The following HSF1 variants were observed in gnomAD, a reference collection of about 807,000 sequenced individuals.
The protein encoded by HSF1 is heat shock transcription factor 1, also known as heat shock factor protein 1.
HSF1 carries 32 observed loss-of-function variants against 51.7 expected under a neutral mutation model. That is an observed-to-expected ratio of 0.62 (90% CI 0.47 to 0.83). The LOEUF (loss-of-function observed/expected upper bound fraction) is 0.83, where lower values mean the gene tolerates loss of function less well. Among genes scored for constraint, HSF1 ranks in the 40% least tolerant of loss-of-function variants. The probability of loss-of-function intolerance (pLI) is 0.00; values close to 1 mark genes in which losing one functional copy is unlikely to be tolerated. For missense variants in HSF1, 727 were observed against 717.0 expected, an observed-to-expected ratio of 1.01 and a Z score of -0.16; for synonymous variants, 396 against 309.7, an observed-to-expected ratio of 1.28 and a Z score of -2.92.
chr8:144,312,714 T>G (rs2130456925), intron 9 of HSF1: 1 of 1,535,166 alleles, frequency 6.5e-7, no homozygotes, highest in Non-Finnish European at 8.7e-7. Context: ...CAGCCAGGGT[T>G]AGCGCTGACC....
chr8:144,309,206 C>T, intron 2 of HSF1, 192 bp downstream of exon 2: 1 of 663,950 alleles, frequency 1.5e-6, no homozygotes. Flanking sequence ...GGGTATGAAC[C>T]TGGGGTCCCC....
chr8:144,300,699 T>A (rs1815807355), intron 1 of HSF1, among the ~76,000 whole-genome samples: 1 of 152,240 alleles, frequency 6.6e-6, no homozygotes, highest in South Asian at 2.1e-4. Context: ...GTCTGAAAGG[T>A]GCCAGAGTCA....
rs532852421 is a variant in HSF1, at chr8:144,314,109, A to AC, written c.1385-11dup. ...GCCCCCAACCCCCCACCGCCTTGAC[A>AC]CCCCCACCCCCGCAGGGAAGCAGCT... On this transcript the variant is annotated splice_polypyrimidine_tract_variant and intron_variant, in intron 12 of 12. Transcript: ENST00000528838. The AC allele has an allele frequency of 1.4e-5, 13 of 956,374 alleles. No homozygotes were observed. The highest frequency in any genetic ancestry group is 8.3e-5 in the Admixed American group (2 of 24,028). 59.2% of individuals were successfully genotyped at this position (956,374 alleles called of 1,614,324 possible).
chr8:144,296,260 G>A (rs1005367163), intron 1 of HSF1, among the ~76,000 whole-genome samples: 23 of 152,200 alleles, frequency 1.5e-4, no homozygotes, highest in East Asian at 3.8e-4. Flanking sequence ...ACCTGGCCAC[G>A]CTCAGTCACT....
chr8:144,309,920 G>GGTTTTTTAAT, intron 4 of HSF1, 24 bp downstream of exon 4: 1 of 1,605,760 alleles, frequency 6.2e-7, no homozygotes, highest in Non-Finnish European at 8.5e-7. Flanking sequence ...CAGCATTATG[G>GGTTTTTTAAT]GCCACAGCGG....
intron 3 of HSF1, 57 bp from the exon 4 acceptor site, chr8:144,309,709 CGAGCCT>C (rs1460452528): frequency 1.9e-6 from 3 of 1,595,186 alleles, no homozygotes; most frequent in Non-Finnish European, 1.7e-6. Context: ...CTGCAGTGGA[CGAGCCT>C]GAGCCTGCCA....
chr8:144,308,538 C>G (rs1336640753), intron 1 of HSF1, among the ~76,000 whole-genome samples: 1 of 151,248 alleles, frequency 6.6e-6, no homozygotes, highest in Admixed American at 6.6e-5. Flanking sequence ...GGCCAGAGTG[C>G]GGCGGGTGCT....
Position 144,308,655 on chromosome 8 carries a change from C to T in HSF1, c.118-251C>T, listed in dbSNP as rs1816387312. Among the ~76,000 whole-genome samples the T allele has an allele frequency of 1.3e-5, 2 of 152,238 alleles. 1 individual carries two copies. Among genetic ancestry groups the T allele is most frequent in the South Asian group, 4.1e-4 (2 of 4,830 alleles). On this transcript the variant is annotated intron_variant, in intron 1 of 12. Transcript: ENST00000528838. ...CTTTCCGACTGAGAGGAAGGCCTCGCATCTGCCCACCGCCCAGTCCTGGGC... is the reference window on the plus strand; with the variant it reads ...CTTTCCGACTGAGAGGAAGGCCTCGTATCTGCCCACCGCCCAGTCCTGGGC...
intron 1 of HSF1, among the ~76,000 whole-genome samples, chr8:144,301,907 G>C (rs1376689045): frequency 6.7e-6 from 1 of 150,186 alleles, no homozygotes; most frequent in Non-Finnish European, 1.5e-5. Context: ...CACGGTGGTG[G>C]TGCCTGTGGT....
intron 1 of HSF1, among the ~76,000 whole-genome samples, chr8:144,301,642 G>C (rs1453563734): frequency 6.6e-6 from 1 of 152,070 alleles, no homozygotes; most frequent in Non-Finnish European, 1.5e-5. Context: ...CAAGGCGGGC[G>C]GATCACCAGG....
In HSF1 at chr8:144,311,213, G is replaced by A. The variant is rs1377931613; in HGVS notation, c.528G>A (p.Arg176=). ...EALWREVASL[R]QKHAQQQKVV... is the part of the protein sequence containing the mutation. ...TGTGGCGGGAGGTGGCCAGCCTTCG[G>A]CAGAAGCATGCCCAGCAACAGAAAG... The change falls in exon 5 of 13, where the codon CGG becomes CGA. Residue 176 remains arginine (R), a synonymous_variant. Coordinates refer to ENST00000528838, the MANE Select transcript of HSF1 (RefSeq NM_005526.4). 2 of 1,609,006 alleles carry A rather than the reference G, an allele frequency of 1.2e-6. No individual in the cohort carries two copies. The highest frequency in any genetic ancestry group is 8.5e-7 in the Non-Finnish European group (1 of 1,178,182).
chr8:144,295,944 T>C (rs1815424435), intron 1 of HSF1, among the ~76,000 whole-genome samples: 1 of 152,122 alleles, frequency 6.6e-6, no homozygotes, highest in African/African-American at 2.4e-5. Flanking sequence ...TCCTGGATGC[T>C]TCTCTGTCTT....
At chr8:144,309,626 C>T (rs1554843928) in intron 3 of HSF1, 35 bp downstream of exon 3, 2 of 1,610,414 alleles carry the variant, frequency 1.2e-6, no homozygotes, top group African/African-American at 1.3e-5. Context: ...CCCGGTCTCA[C>T]CTGCCACAGC....
At chr8:144,310,758 CCT>C (rs1554844191) in intron 4 of HSF1, 4 of 231,340 alleles carry the variant, frequency 1.7e-5, no homozygotes, top group Middle Eastern at 1.8e-3. Context: ...GCCCTGAGCA[CCT>C]ACAGGACATG....
At chr8:144,295,789 C>T (rs551474224) in intron 1 of HSF1, among the ~76,000 whole-genome samples, 20 of 152,086 alleles carry the variant, frequency 1.3e-4, no homozygotes, top group African/African-American at 4.8e-4. Flanking sequence ...CTGGAACTCA[C>T]GGGCTCAAGC....
At chr8:144,296,927 T>TGG (rs112681190) in intron 1 of HSF1, among the ~76,000 whole-genome samples, 135 of 150,350 alleles carry the variant, frequency 9.0e-4, no homozygotes, top group Middle Eastern at 3.4e-3. Context: ...GATGGTGTGG[T>TGG]GGGGGGGGTG....
intron 1 of HSF1, among the ~76,000 whole-genome samples, chr8:144,298,235 G>A (rs931573147): frequency 1.1e-4 from 17 of 152,244 alleles, no homozygotes; most frequent in African/African-American, 3.9e-4. Flanking sequence ...CTAAGGTAGG[G>A]GTTGCCTGAC....
At chr8:144,301,427 T>C (rs1815861183) in intron 1 of HSF1, among the ~76,000 whole-genome samples, 1 of 151,660 alleles carries the variant, frequency 6.6e-6, no homozygotes, top group Non-Finnish European at 1.5e-5. Flanking sequence ...AAAAAAATTA[T>C]GGCCAAAATT....
chr8:144,301,232 A>C (rs1554842210), intron 1 of HSF1, among the ~76,000 whole-genome samples: 1 of 151,982 alleles, frequency 6.6e-6, no homozygotes, highest in Non-Finnish European at 1.5e-5. Flanking sequence ...CAGCCTGGGC[A>C]ACATAGCAAG....
Sources: gnomAD v4.1 joint callset for allele counts (sites outside exome capture counted in the v4.1 genomes callset) on GRCh38, gnomAD v4.1.1 for gene constraint, MANE v1.5 for transcripts, NCBI Gene and HGNC (gene_info 2026-07-23, HGNC 2026-07-21) for gene names.